The following CTSH variants were observed in gnomAD, a reference collection of about 807,000 sequenced individuals.
CTSH encodes the protein pro-cathepsin H.
A neutral mutation model predicts 56.3 loss-of-function variants in CTSH; 52 were observed. The ratio of observed to expected loss-of-function variants is 0.92; its 90% CI spans 0.74 to 1.16. The LOEUF is 1.16. Ranked by LOEUF, CTSH falls within the 50% of genes most tolerant of loss-of-function variation. CTSH has a pLI of 0.00. For synonymous variants in CTSH, 174 were observed against 155.7 expected (o/e 1.12, Z -0.88); for missense variants, 406 against 424.5 (o/e 0.96, Z 0.38).
chr15:78,944,301 G>C (rs2055349631), intron 1 of CTSH, among the ~76,000 whole-genome samples: 1 of 152,222 alleles, frequency 6.6e-6, no homozygotes, highest in Non-Finnish European at 1.5e-5. Flanking sequence ...ACCAGTCGCA[G>C]CCAATCTGGC....
chr15:78,937,630 G>C, intron 2 of CTSH: 2 of 1,397,272 alleles, frequency 1.4e-6, no homozygotes, highest in Non-Finnish European at 1.9e-6. Flanking sequence ...CCAGAATGAA[G>C]ACCATGCAGC....
rs1006013446 is a variant in CTSH, at chr15:78,940,332, T to C, written c.92-1161A>G. 3.3e-5 allele frequency among the ~76,000 whole-genome samples: 5 copies of C among 152,102 alleles called. No homozygotes were observed. The South Asian group carries it at 8.3e-4, about 25-fold the overall frequency. ...GGCAGTGTGGCCCAAGCCTATAATC[T>C]CAGTACTTTGGGAGGCTGACACAGG... On this transcript the variant is annotated intron_variant, in intron 1 of 11. Coordinates refer to ENST00000220166, the MANE Select transcript of CTSH (RefSeq NM_004390.5).
At chr15:78,931,821 G>C in intron 6 of CTSH, 1 of 1,314,220 alleles carries the variant, frequency 7.6e-7, no homozygotes, top group Non-Finnish European at 9.8e-7. Flanking sequence ...GTCCCACAGC[G>C]GTGTATAGGA....
rs775007402 is a variant in CTSH at position 78,931,425 on chromosome 15, T to TG, written c.548+25dup. 2.5e-6 allele frequency: 4 copies of TG among 1,614,148 alleles called. No homozygotes were observed. The East Asian group carries it at 8.9e-5, about 36-fold the overall frequency. The stretch of plus-strand genomic sequence containing the variant: ...CGGTCAGTGGGAAATGAGGAAGTTT[T>TG]GGGCCCCTTCTGGTCAGAGACGTAC... On this transcript the variant is annotated intron_variant, in intron 7 of 11. Transcript: ENST00000220166.
intron 1 of CTSH, among the ~76,000 whole-genome samples, chr15:78,941,894 A>T (rs1325825290): frequency 6.6e-6 from 1 of 152,254 alleles, no homozygotes; most frequent in African/African-American, 2.4e-5. Flanking sequence ...CATTATGAAA[A>T]GTAATTGTTA....
chr15:78,935,959 A>C (rs561477118), intron 3 of CTSH, among the ~76,000 whole-genome samples: 3 of 152,230 alleles, frequency 2.0e-5, no homozygotes, highest in African/African-American at 7.2e-5. Flanking sequence ...AGCTTTTTCA[A>C]TGGTATAGAT....
At chr15:78,935,528 C>G in intron 4 of CTSH, 152 bp downstream of exon 4, 1 of 627,452 alleles carries the variant, frequency 1.6e-6, no homozygotes, top group Non-Finnish European at 2.8e-6. Flanking sequence ...CTGCTGAGAG[C>G]TGACTCTTCT....
At position 78,935,674 on chromosome 15, in the gene CTSH, A is replaced by G. The variant is rs2055159856; in HGVS notation, c.300+6T>C. 2.5e-6 allele frequency: 4 copies of G among 1,606,870 alleles called. No individual in the cohort carries two copies. The highest frequency in any genetic ancestry group is 3.4e-6 in the Non-Finnish European group (4 of 1,174,424). On this transcript the variant is annotated splice_donor_region_variant and intron_variant, in intron 4 of 11. Coordinates refer to ENST00000220166, the MANE Select transcript of CTSH (RefSeq NM_004390.5). Reference sequence around the variant, plus strand: ...TTCAGATTTGGTTGCAATGAATTATACCTACCTGAGGCTCTGACCAGAGAT... The same window carrying G: ...TTCAGATTTGGTTGCAATGAATTATGCCTACCTGAGGCTCTGACCAGAGAT...
rs1252386835 is a variant in CTSH, at chr15:78,937,487, T to G, written c.124-64A>C. ...GCTGCAGCTCCCTAGAGGGAGACCT[T>G]TTTGTTTTCCTAAGAGGAAAGATGA... On this transcript the variant is annotated intron_variant, in intron 2 of 11. Transcript: ENST00000220166. 9.5e-6 allele frequency: 14 copies of G among 1,475,138 alleles called. No individual in the cohort carries two copies. In the Admixed American group the frequency reaches 1.4e-4, roughly 15 times the overall value. The allele number at this position is 1,475,138 out of a possible 1,614,324, so 91.4% of individuals were successfully genotyped here.
intron 3 of CTSH, 132 bp downstream of exon 3, chr15:78,937,186 C>A (rs936531088): frequency 7.2e-6 from 5 of 693,564 alleles, no homozygotes; most frequent in Non-Finnish European, 1.3e-5. Flanking sequence ...GAGCCACAAT[C>A]TGAGGTCAGC....
At chr15:78,937,867 G>C in intron 2 of CTSH, 1 of 1,197,298 alleles carries the variant, frequency 8.4e-7, no homozygotes, top group Non-Finnish European at 1.1e-6. Context: ...TATAACTGAT[G>C]TACTTTTTTT....
At chr15:78,944,854 T>C in intron 1 of CTSH, 37 bp downstream of exon 1, 3 of 1,540,212 alleles carry the variant, frequency 1.9e-6, no homozygotes, top group Non-Finnish European at 2.6e-6. Flanking sequence ...CTCTAGGGCC[T>C]GCTAGCACCC....
At chr15:78,927,459 A>G (rs1409020998) in intron 9 of CTSH, 3 of 547,510 alleles carry the variant, frequency 5.5e-6, no homozygotes, top group Non-Finnish European at 9.8e-6. Flanking sequence ...AAGCAAGAAA[A>G]CAGAACCAAA....
At chr15:78,942,404 G>A (rs1395592192) in intron 1 of CTSH, among the ~76,000 whole-genome samples, 1 of 151,918 alleles carries the variant, frequency 6.6e-6, no homozygotes, top group Non-Finnish European at 1.5e-5. Flanking sequence ...GTAGAGATGG[G>A]GTTTCACCAT....
intron 11 of CTSH, among the ~76,000 whole-genome samples, chr15:78,922,548 G>A (rs901511321): frequency 1.3e-5 from 2 of 152,244 alleles, no homozygotes; most frequent in Non-Finnish European, 1.5e-5. Context: ...ACAAGGACAT[G>A]GAATCTGGGA....
chr15:78,921,288 C>T lies in CTSH; in HGVS notation c.*842G>A, dbSNP rs74983338. ...CAGGAAGCAGCAGCAACTTCATGGC[C>T]GCCCTCTAAACAGAGATCAAGATTT... On this transcript the variant is annotated 3_prime_UTR_variant, in exon 12 of 12. Transcript: ENST00000220166. 0.058 allele frequency: 8,828 copies of T among 152,120 alleles called. 400 individuals carry two copies. Among genetic ancestry groups the T allele is most frequent in the Non-Finnish European group, 0.09 (6,118 of 68,006 alleles). 9.4% of individuals were successfully genotyped at this position (152,120 alleles called of 1,614,324 possible).
intron 10 of CTSH, among the ~76,000 whole-genome samples, chr15:78,924,397 G>A (rs1455235230): frequency 6.6e-6 from 1 of 152,098 alleles, no homozygotes; most frequent in Admixed American, 6.6e-5. Flanking sequence ...TGTGTGGGGG[G>A]TTAGGGGGTC....
chr15:78,943,556 T>C (rs537817966), intron 1 of CTSH, among the ~76,000 whole-genome samples: 1 of 152,338 alleles, frequency 6.6e-6, no homozygotes, highest in African/African-American at 2.4e-5. Flanking sequence ...GTACAGCTCC[T>C]GGGCTACAAA....
Position 78,924,692 on chromosome 15 carries a change from A to T in CTSH, c.806+642T>A, listed in dbSNP as rs909509936. 1.6e-4 allele frequency among the ~76,000 whole-genome samples: 23 copies of T among 144,956 alleles called. No homozygotes were observed. In the South Asian group the frequency reaches 4.0e-3, roughly 25 times the overall value. On this transcript the variant is annotated intron_variant, in intron 10 of 11. Coordinates refer to ENST00000220166, the MANE Select transcript of CTSH (RefSeq NM_004390.5). ...CGTCTTCAAATCTTTAAACATGGGT[A>T]TTTTTTTTTTTTTCTGAGACAGAGC...
Sources: gnomAD v4.1 joint callset for allele counts (sites outside exome capture counted in the v4.1 genomes callset) on GRCh38, gnomAD v4.1.1 for gene constraint, MANE v1.5 for transcripts, NCBI Gene and HGNC (gene_info 2026-07-23, HGNC 2026-07-21) for gene names.